The following GIP variants were observed in gnomAD, a reference collection of about 807,000 sequenced individuals.
GIP encodes the protein gastric inhibitory polypeptide.
In GIP, 16 loss-of-function variants were observed where a neutral mutation model predicts 18.1. The ratio of observed to expected loss-of-function variants is 0.88; its 90% CI spans 0.60 to 1.34. GIP has a LOEUF of 1.34. GIP is among the 40% of genes most tolerant of loss of function. The pLI is 0.00. For missense variants in GIP, 192 were observed against 183.4 expected (o/e 1.05, Z -0.27); for synonymous variants, 76 against 74.0 (o/e 1.03, Z -0.14).
In GIP at chr17:48,959,352, T is replaced by C. The variant is rs558528408; in HGVS notation, c.453-636A>G. On this transcript the variant is annotated intron_variant, in intron 5 of 5. Transcript: ENST00000357424. ...CACAATATCCACCTTCTTACGGAGA[T>C]TTTCTTACACCCTCTTCTCCATGGA... Among the ~76,000 whole-genome samples, 7 of 152,174 alleles carry C rather than the reference T, an allele frequency of 4.6e-5. No individual in the cohort carries two copies. The South Asian group carries it at 1.5e-3, about 32-fold the overall frequency.
intron 3 of GIP, among the ~76,000 whole-genome samples, chr17:48,963,752 T>C (rs1173557704): frequency 1.4e-5 from 2 of 142,456 alleles, no homozygotes; most frequent in African/African-American, 5.3e-5. Flanking sequence ...GAGAATCGCT[T>C]GAATCCAGGA....
intron 3 of GIP, 103 bp from the exon 4 acceptor site, chr17:48,961,922 T>C: frequency 3.9e-6 from 3 of 778,310 alleles, no homozygotes; most frequent in Non-Finnish European, 6.5e-6. Context: ...GGTACCTTTT[T>C]CCACTCAACC....
At position 48,967,225 on chromosome 17, in the gene GIP, G is replaced by T. The variant is rs983606001; in HGVS notation, c.8C>A (p.Ala3Asp). The T allele has an allele frequency of 1.2e-6, 2 of 1,613,692 alleles. No homozygotes were observed. The highest frequency in any genetic ancestry group is 1.6e-4 in the Middle Eastern group (1 of 6,062). Reference sequence around the variant, plus strand: ...CAGCAGCAGAGCAAAGGTCTTCGTGGCCACCATCTTCCAAGGTTATTTCCT... The same window carrying T: ...CAGCAGCAGAGCAAAGGTCTTCGTGTCCACCATCTTCCAAGGTTATTTCCT... MV[A>D]TKTFALLLLS... Residue 3 changes from alanine to aspartate, a missense_variant, in exon 2 of 6, where the codon GCC becomes GAC. Transcript: ENST00000357424.
chr17:48,960,474 T>G (rs917317177), intron 5 of GIP, among the ~76,000 whole-genome samples: 1 of 145,394 alleles, frequency 6.9e-6, no homozygotes, highest in Admixed American at 6.9e-5. Context: ...CTCAGCTCGG[T>G]GGGTAGGGAC....
chr17:48,963,995 CA>C (rs10718451), intron 3 of GIP, among the ~76,000 whole-genome samples: 72,829 of 132,404 alleles, frequency 0.55, 20,107 homozygotes, highest in African/African-American at 0.75. Context: ...ACTGAAAATA[CA>C]AAAAAAAAAA....
chr17:48,964,327 T>C lies in GIP; in HGVS notation c.240A>G (p.Gln80=). Residue 80 remains glutamine, a synonymous_variant, in exon 3 of 6, where the codon CAA becomes CAG. Coordinates refer to ENST00000357424, the MANE Select transcript of GIP (RefSeq NM_004123.3). ...QQDFVNWLLA[Q]KGKKNDWKHN... ...CGACTCACTCATTCTTCTTCCCCTT[T>C]TGGGCCAGCAGCCAGTTCACAAAGT... 2 of 1,613,738 alleles carry C rather than the reference T, an allele frequency of 1.2e-6. No individual in the cohort carries two copies. Among genetic ancestry groups the C allele is most frequent in the Non-Finnish European group, 1.7e-6 (2 of 1,179,742 alleles).
At chr17:48,964,621 C>A (rs905345836) in intron 2 of GIP, 141 bp from the exon 3 acceptor site, 3 of 651,066 alleles carry the variant, frequency 4.6e-6, no homozygotes, top group South Asian at 1.9e-5. Flanking sequence ...TCCACTCCCC[C>A]ACCCCACCCC....
At chr17:48,960,639 C>T (rs1001847326) in intron 5 of GIP, among the ~76,000 whole-genome samples, 2 of 152,102 alleles carry the variant, frequency 1.3e-5, no homozygotes, top group African/African-American at 4.8e-5. Context: ...CAAAGATGGC[C>T]CTCAGGTCTC....
chr17:48,965,005 G>A (rs930678542), intron 2 of GIP, among the ~76,000 whole-genome samples: 3 of 151,800 alleles, frequency 2.0e-5, no homozygotes, highest in African/African-American at 7.3e-5. Flanking sequence ...CAGGCATGGT[G>A]GTGGGCGCCT....
chr17:48,961,877 T>C, intron 3 of GIP, 58 bp from the exon 4 acceptor site: 1 of 1,223,320 alleles, frequency 8.2e-7, no homozygotes, highest in Admixed American at 1.9e-5. Context: ...CTAGGGACAC[T>C]TGAATCTTTT....
chr17:48,966,756 C>G (rs576131005), intron 2 of GIP, among the ~76,000 whole-genome samples: 1 of 149,942 alleles, frequency 6.7e-6, no homozygotes, highest in African/African-American at 2.5e-5. Flanking sequence ...CAGTGAGCTG[C>G]GATCACGCCA....
chr17:48,958,987 T>C (rs1049809458), intron 5 of GIP, among the ~76,000 whole-genome samples: 3 of 151,814 alleles, frequency 2.0e-5, no homozygotes, highest in African/African-American at 7.3e-5. Flanking sequence ...CCCGAGTAGC[T>C]GGGACTACAG....
rs1224400883 is a variant in GIP, at chr17:48,964,606, G to A, written c.87-126C>T. 1.8e-5 allele frequency: 13 copies of A among 732,646 alleles called. 1 individual carries two copies. Among genetic ancestry groups the A allele is most frequent in the Non-Finnish European group, 2.9e-5 (13 of 443,680 alleles). The allele number at this position is 732,646 out of a possible 1,614,324, so 45.4% of individuals were successfully genotyped here. ...CAGTCCGTTTTTATGGAGACTCCCT[G>A]TGGATCCACTCCCCCACCCCACCCC... On this transcript the variant is annotated intron_variant, in intron 2 of 5. Transcript: ENST00000357424.
Position 48,967,107 on chromosome 17 carries a change from C to T in GIP, c.86+40G>A, listed in dbSNP as rs754861560. The T allele has an allele frequency of 7.0e-6, 10 of 1,421,926 alleles. No homozygotes were observed. The Admixed American group carries it at 1.3e-4, about 19-fold the overall frequency. 88.1% of individuals were successfully genotyped at this position (1,421,926 alleles called of 1,614,324 possible). On this transcript the variant is annotated intron_variant, in intron 2 of 5. Transcript: ENST00000357424. The stretch of plus-strand genomic sequence containing the variant: ...AAATCCAGAACCTGTCATCCCCTAA[C>T]CCCTCCTCTGCCCCATCCCTTTCCT...
intron 3 of GIP, among the ~76,000 whole-genome samples, chr17:48,963,183 G>A (rs935369946): frequency 6.6e-6 from 1 of 151,982 alleles, no homozygotes; most frequent in Admixed American, 6.6e-5. Context: ...CCAAGTCAGG[G>A]TCCTGGCCAG....
At chr17:48,964,194 G>A (rs2041219920) in intron 3 of GIP, 116 bp downstream of exon 3, 1 of 644,240 alleles carries the variant, frequency 1.6e-6, no homozygotes, top group South Asian at 2.5e-5. Flanking sequence ...AAAAAGAAAG[G>A]TGCCACCTGG....
intron 1 of GIP, 129 bp downstream of exon 1, chr17:48,968,388 T>C (rs1251154174): frequency 6.6e-6 from 1 of 152,138 alleles, no homozygotes; most frequent in Non-Finnish European, 1.5e-5. Flanking sequence ...GCACCGCACC[T>C]GACTATCTTC....
In GIP at chr17:48,965,138, C is replaced by CAAAAAAAAAAGAAAAAAAAAAAAA. The variant is rs2041228498; in HGVS notation, c.87-659_87-658insTTTTTTTTTTTTTCTTTTTTTTTT. 1.8e-5 allele frequency among the ~76,000 whole-genome samples: 2 copies of CAAAAAAAAAAGAAAAAAAAAAAAA among 109,608 alleles called. 1 individual carries two copies. The highest frequency in any genetic ancestry group is 9.5e-5 in the African/African-American group (2 of 21,104). 71.9% of individuals were successfully genotyped at this position (109,608 alleles called of 152,430 possible). On this transcript the variant is annotated intron_variant, in intron 2 of 5. Coordinates refer to ENST00000357424, the MANE Select transcript of GIP (RefSeq NM_004123.3). ...TGGGAGACAGAGCGAGACTCCGTCT[C>CAAAAAAAAAAGAAAAAAAAAAAAA]AAAAAAAAAAAAATTAGCCAGGCGT... is the stretch of plus-strand genomic sequence containing the variant.
intron 4 of GIP, among the ~76,000 whole-genome samples, 161 bp downstream of exon 4, chr17:48,961,566 C>T (rs1305571456): frequency 6.6e-6 from 1 of 152,120 alleles, no homozygotes; most frequent in African/African-American, 2.4e-5. Flanking sequence ...TTGGGCTGAC[C>T]TCCAGGAGTT....
Sources: gnomAD v4.1 joint callset for allele counts (sites outside exome capture counted in the v4.1 genomes callset) on GRCh38, gnomAD v4.1.1 for gene constraint, MANE v1.5 for transcripts, NCBI Gene and HGNC (gene_info 2026-07-23, HGNC 2026-07-21) for gene names.